MCOLN2: variants seen among roughly 807,000 people sequenced by gnomAD.
The protein encoded by MCOLN2 is mucolipin TRP cation channel 2, also known as mucolipin-2.
Under a neutral mutation model 67.5 loss-of-function variants are expected in MCOLN2, and 57 were observed. That is an observed-to-expected ratio of 0.84 (90% CI 0.68 to 1.05). MCOLN2 has a LOEUF of 1.05. Ranked by LOEUF, MCOLN2 falls within the 50% of genes least tolerant of loss-of-function variation. The pLI is 0.00. For synonymous variants in MCOLN2, 246 were observed against 233.3 expected (o/e 1.05, Z -0.50); for missense variants, 620 against 678.8 (o/e 0.91, Z 0.96).
chr1:84,966,829 A>G (rs189855556), intron 1 of MCOLN2, among the ~76,000 whole-genome samples: 1 of 152,288 alleles, frequency 6.6e-6, no homozygotes, highest in East Asian at 1.9e-4. Context: ...TGGAGTGCCG[A>G]AAACAATCCA....
At chr1:84,967,876 GAGA>G (rs1649464569) in intron 1 of MCOLN2, among the ~76,000 whole-genome samples, 1 of 143,294 alleles carries the variant, frequency 7.0e-6, no homozygotes, top group East Asian at 2.1e-4. Flanking sequence ...GAAGAAGGGA[GAGA>G]AGGAGAGAGG....
At chr1:84,984,681 A>G (rs189329323) in intron 1 of MCOLN2, among the ~76,000 whole-genome samples, 143 of 152,306 alleles carry the variant, frequency 9.4e-4, no homozygotes, top group African/African-American at 3.4e-3. Context: ...AGCAAGCAAT[A>G]TATTAATACC....
Position 84,952,350 on chromosome 1 carries a change from T to C in MCOLN2, c.651-11A>G. 1 of 1,604,928 alleles carries C rather than the reference T, an allele frequency of 6.2e-7. No individual in the cohort carries two copies. The highest frequency in any genetic ancestry group is 8.5e-7 in the Non-Finnish European group (1 of 1,172,088). On this transcript the variant is annotated splice_polypyrimidine_tract_variant and intron_variant, in intron 5 of 13. Transcript: ENST00000370608. ...TCAACCTGTAAGAGCCTGAATAAAA[T>C]ATATTGAAAGGTATAAATTGTCATA... is the stretch of plus-strand genomic sequence containing the variant.
intron 1 of MCOLN2, among the ~76,000 whole-genome samples, chr1:84,988,044 G>A (rs1036677176): frequency 6.6e-6 from 1 of 152,046 alleles, no homozygotes; most frequent in Non-Finnish European, 1.5e-5. Context: ...AATGCCACCT[G>A]TTCCCTAAAA....
chr1:84,988,660 G>A (rs190364497), intron 1 of MCOLN2, among the ~76,000 whole-genome samples: 3 of 152,076 alleles, frequency 2.0e-5, no homozygotes, highest in Non-Finnish European at 2.9e-5. Context: ...AACTGCAATA[G>A]CCTCCCAATT....
chr1:84,935,806 T>TA (rs1230447361), intron 11 of MCOLN2, among the ~76,000 whole-genome samples: 1 of 152,096 alleles, frequency 6.6e-6, no homozygotes, highest in Non-Finnish European at 1.5e-5. Flanking sequence ...AAATTGAACA[T>TA]ATGGAAATGC....
intron 1 of MCOLN2, among the ~76,000 whole-genome samples, chr1:84,988,248 T>C (rs984278180): frequency 6.6e-6 from 1 of 152,026 alleles, no homozygotes; most frequent in Non-Finnish European, 1.5e-5. Flanking sequence ...AGACAGGTTT[T>C]GCTATGTTGC....
chr1:84,992,924 T>TA (rs1180364670), intron 1 of MCOLN2, among the ~76,000 whole-genome samples: 1 of 152,192 alleles, frequency 6.6e-6, no homozygotes, highest in Non-Finnish European at 1.5e-5. Context: ...GGCAATTTCT[T>TA]AAAAGAAGAC....
chr1:84,945,779 C>T (rs1367055143), intron 7 of MCOLN2, among the ~76,000 whole-genome samples: 2 of 152,152 alleles, frequency 1.3e-5, no homozygotes, highest in East Asian at 3.8e-4. Flanking sequence ...CAAAGTCTCA[C>T]TCTGTTGCCC....
At chr1:84,975,098 G>T (rs1037273034) in intron 1 of MCOLN2, among the ~76,000 whole-genome samples, 6 of 152,186 alleles carry the variant, frequency 3.9e-5, no homozygotes, top group Non-Finnish European at 8.8e-5. Flanking sequence ...GACCCAGGAG[G>T]GTCCTGGGGG....
intron 3 of MCOLN2, among the ~76,000 whole-genome samples, chr1:84,957,698 G>A (rs988182275): frequency 2.0e-5 from 3 of 152,090 alleles, no homozygotes; most frequent in African/African-American, 7.2e-5. Flanking sequence ...TAAGTAATAA[G>A]CTCAGCTTTG....
chr1:84,926,812 T>C (rs2102793063), intron 13 of MCOLN2, 91 bp from the exon 14 acceptor site: 1 of 902,634 alleles, frequency 1.1e-6, no homozygotes, highest in Non-Finnish European at 1.6e-6. Context: ...TCTAGGCCCG[T>C]AGATTATAGA....
intron 1 of MCOLN2, among the ~76,000 whole-genome samples, chr1:84,990,049 C>A (rs1650805015): frequency 6.6e-6 from 1 of 151,944 alleles, no homozygotes; most frequent in Non-Finnish European, 1.5e-5. Flanking sequence ...GTAATCCCAG[C>A]ACTTTGGGAG....
chr1:84,926,434 G>C lies in MCOLN2; in HGVS notation c.*251C>G, dbSNP rs1661161943. 2.8e-6 allele frequency: 1 copy of C among 352,674 alleles called. No individual in the cohort carries two copies. Among genetic ancestry groups the C allele is most frequent in the Admixed American group, 4.7e-5 (1 of 21,428 alleles). 21.8% of individuals were successfully genotyped at this position (352,674 alleles called of 1,614,324 possible). A position where few individuals can be genotyped will look rare whatever the true frequency, so the allele number is the denominator to read the frequency against. ...CATGTCATAAATTAACAGACTAATA[G>C]AGAATTTTATTATCGCTGTTATATT... On this transcript the variant is annotated 3_prime_UTR_variant, in exon 14 of 14. Coordinates refer to ENST00000370608, the MANE Select transcript of MCOLN2 (RefSeq NM_153259.4).
intron 2 of MCOLN2, among the ~76,000 whole-genome samples, chr1:84,963,739 C>A (rs933346411): frequency 3.3e-5 from 5 of 152,168 alleles, no homozygotes; most frequent in Admixed American, 1.3e-4. Flanking sequence ...CCTCGCCTTC[C>A]CCCATGATTG....
In MCOLN2 at chr1:84,942,447, G is replaced by A. The variant is rs76106534; in HGVS notation, c.848-1456C>T. Among the ~76,000 whole-genome samples, 845 of 152,112 alleles carry A rather than the reference G, an allele frequency of 5.6e-3. 4 individuals carry two copies. Among genetic ancestry groups the A allele is most frequent in the African/African-American group, 0.019 (805 of 41,490 alleles). On this transcript the variant is annotated intron_variant, in intron 7 of 13. Coordinates refer to ENST00000370608, the MANE Select transcript of MCOLN2 (RefSeq NM_153259.4). Reference sequence around the variant, plus strand: ...CCTCAGTTTCCTCCTCTGAAAAGTGGGTAGAATTAAAAAATACCTACATCA... The same window carrying A: ...CCTCAGTTTCCTCCTCTGAAAAGTGAGTAGAATTAAAAAATACCTACATCA...
intron 1 of MCOLN2, among the ~76,000 whole-genome samples, chr1:84,976,536 G>A (rs1853776): frequency 0.14 from 21,426 of 152,168 alleles, 1,737 homozygotes; most frequent in East Asian, 0.26. Context: ...GGGAGGCCGA[G>A]GTGGGTGGAT....
chr1:84,951,838 C>T (rs576336352), intron 6 of MCOLN2, among the ~76,000 whole-genome samples: 37 of 152,096 alleles, frequency 2.4e-4, no homozygotes, highest in African/African-American at 8.4e-4. Flanking sequence ...TTTGGGAGGC[C>T]GAGGCAGGCA....
intron 2 of MCOLN2, among the ~76,000 whole-genome samples, chr1:84,963,149 C>T (rs1649181230): frequency 6.6e-6 from 1 of 152,192 alleles, no homozygotes. Context: ...TACTTAACTC[C>T]CTTTGCTCCA....
Sources: gnomAD v4.1 joint callset for allele counts (sites outside exome capture counted in the v4.1 genomes callset) on GRCh38, gnomAD v4.1.1 for gene constraint, MANE v1.5 for transcripts, NCBI Gene and HGNC (gene_info 2026-07-23, HGNC 2026-07-21) for gene names.